The following ATG3 variants were observed in gnomAD, a reference collection of about 807,000 sequenced individuals.
ATG3 encodes the protein autophagy related 3.
Under a neutral mutation model 50.7 loss-of-function variants are expected in ATG3, and 25 were observed. The observed-to-expected ratio is 0.49, with a 90% CI of 0.36 to 0.69. ATG3 has a LOEUF of 0.69. ATG3 is among the 30% of genes least tolerant of loss of function. ATG3 has a pLI of 0.00. For missense variants in ATG3, 281 were observed against 376.0 expected (o/e 0.75, Z 2.09); for synonymous variants, 119 against 125.5 (o/e 0.95, Z 0.34).
intron 2 of ATG3, among the ~76,000 whole-genome samples, chr3:112,554,112 C>T (rs1254498877): frequency 2.0e-5 from 3 of 152,164 alleles, no homozygotes; most frequent in African/African-American, 7.2e-5. Context: ...ATCTTACTGG[C>T]GAACAGAAAT....
intron 10 of ATG3, chr3:112,534,844 T>C (rs1224021900): frequency 6.6e-6 from 1 of 151,422 alleles, no homozygotes; most frequent in Non-Finnish European, 1.5e-5. Context: ...TATAATCTTG[T>C]GATCTGGGCT....
intron 2 of ATG3, among the ~76,000 whole-genome samples, chr3:112,554,378 T>TC (rs1448430884): frequency 1.3e-5 from 2 of 152,196 alleles, no homozygotes; most frequent in Non-Finnish European, 2.9e-5. Context: ...CTTTGTAATC[T>TC]CCCCCATCCT....
chr3:112,544,642 G>A (rs1026223014), intron 5 of ATG3, among the ~76,000 whole-genome samples: 2 of 51,454 alleles, frequency 3.9e-5, no homozygotes, highest in African/African-American at 5.1e-5. Context: ...CGACAAGAGC[G>A]AAACTCCGTC....
At chr3:112,560,087 C>A (rs773627472) in intron 1 of ATG3, among the ~76,000 whole-genome samples, 4 of 152,144 alleles carry the variant, frequency 2.6e-5, no homozygotes, top group Admixed American at 2.6e-4. Context: ...GTTTGGTGAG[C>A]AAGTATGATG....
At chr3:112,557,759 C>T (rs1433766652) in intron 2 of ATG3, among the ~76,000 whole-genome samples, 1 of 151,986 alleles carries the variant, frequency 6.6e-6, no homozygotes, top group Non-Finnish European at 1.5e-5. Flanking sequence ...AGGCTTAAAA[C>T]GTTTGTTTCA....
chr3:112,533,820 C>T (rs1422191024), intron 11 of ATG3: 1 of 986,088 alleles, frequency 1.0e-6, no homozygotes, highest in Non-Finnish European at 1.2e-6. Context: ...AATGAACGTA[C>T]TATATTTTAA....
At chr3:112,544,445 C>T (rs1308226631) in intron 5 of ATG3, among the ~76,000 whole-genome samples, 3 of 151,946 alleles carry the variant, frequency 2.0e-5, no homozygotes, top group Non-Finnish European at 2.9e-5. Flanking sequence ...CATCTGAGGT[C>T]GGAAGTTCAA....
chr3:112,548,253 G>A (rs989071974), intron 5 of ATG3, among the ~76,000 whole-genome samples: 2 of 152,162 alleles, frequency 1.3e-5, no homozygotes, highest in African/African-American at 4.8e-5. Context: ...TCGGGAGGCT[G>A]AGGCAGGAGA....
At chr3:112,556,221 C>T (rs571609134) in intron 2 of ATG3, among the ~76,000 whole-genome samples, 1 of 152,334 alleles carries the variant, frequency 6.6e-6, no homozygotes, top group South Asian at 2.1e-4. Context: ...AACATGAAGC[C>T]TCGGCAGGGA....
In ATG3 at chr3:112,561,651, C is replaced by CGAGGG. The variant is rs934212619; in HGVS notation, c.-128_-124dup. On this transcript the variant is annotated 5_prime_UTR_variant, in exon 1 of 12. Coordinates refer to ENST00000283290, the MANE Select transcript of ATG3 (RefSeq NM_022488.5). Reference sequence around the variant, plus strand: ...GCATCAGCACCCGGCTGGCAGCACCCGAGGGGACGGGACGCGACGCGACGG... The same window carrying CGAGGG: ...GCATCAGCACCCGGCTGGCAGCACCCGAGGGGAGGGGACGGGACGCGACGCGACGG... 39 of 1,003,644 alleles carry CGAGGG rather than the reference C, an allele frequency of 3.9e-5. No individual in the cohort carries two copies. Among genetic ancestry groups the CGAGGG allele is most frequent in the African/African-American group, 5.0e-5 (3 of 60,246 alleles). 62.2% of individuals were successfully genotyped at this position (1,003,644 alleles called of 1,614,324 possible).
intron 2 of ATG3, among the ~76,000 whole-genome samples, chr3:112,554,643 A>T (rs1227656565): frequency 2.0e-5 from 3 of 152,214 alleles, no homozygotes; most frequent in Non-Finnish European, 2.9e-5. Context: ...TACTTGCCAA[A>T]TTACTTCTAT....
chr3:112,536,689 A>AGGTGGGC (rs1470494124), intron 9 of ATG3, 87 bp from the exon 10 acceptor site: 1 of 1,410,226 alleles, frequency 7.1e-7, no homozygotes, highest in Non-Finnish European at 9.8e-7. Context: ...TGGGAGACTG[A>AGGTGGGC]GGTGGGCGGA....
chr3:112,534,227 A>G (rs1445871118), intron 11 of ATG3, 42 bp downstream of exon 11: 2 of 1,586,698 alleles, frequency 1.3e-6, no homozygotes, highest in African/African-American at 2.7e-5. Context: ...AAAAATCGTT[A>G]ACAGCCATTT....
At chr3:112,532,932 T>C in intron 11 of ATG3, 152 bp from the exon 12 acceptor site, 1 of 1,294,184 alleles carries the variant, frequency 7.7e-7, no homozygotes, top group Non-Finnish European at 9.8e-7. Flanking sequence ...ACTATGCAAA[T>C]TTGTGTCTAT....
At chr3:112,544,603 G>A (rs924914435) in intron 5 of ATG3, among the ~76,000 whole-genome samples, 33 of 127,834 alleles carry the variant, frequency 2.6e-4, no homozygotes, top group African/African-American at 7.0e-4. Flanking sequence ...GCAATGAGCC[G>A]AAATCGCACC....
At chr3:112,533,574 G>A in intron 11 of ATG3, 1 of 985,314 alleles carries the variant, frequency 1.0e-6, no homozygotes, top group Non-Finnish European at 1.2e-6. Flanking sequence ...CTAACACATA[G>A]TAGCCGAAAC....
At chr3:112,540,370 A>G (rs778860043) in intron 7 of ATG3, among the ~76,000 whole-genome samples, 1 of 152,170 alleles carries the variant, frequency 6.6e-6, no homozygotes, top group African/African-American at 2.4e-5. Flanking sequence ...AACACAATCT[A>G]TCTCACTCTA....
At chr3:112,545,270 A>G (rs1464693719) in intron 5 of ATG3, among the ~76,000 whole-genome samples, 1 of 152,214 alleles carries the variant, frequency 6.6e-6, no homozygotes, top group Non-Finnish European at 1.5e-5. Flanking sequence ...CTCAAAACCT[A>G]CTTGTCTCAA....
At chr3:112,539,994 G>A (rs1405389160) in intron 7 of ATG3, among the ~76,000 whole-genome samples, 1 of 152,172 alleles carries the variant, frequency 6.6e-6, no homozygotes, top group Non-Finnish European at 1.5e-5. Flanking sequence ...GTCCAAGAAA[G>A]TGATGTCAGT....
Sources: allele counts gnomAD v4.1 joint callset (sites outside exome capture counted in the v4.1 genomes callset), GRCh38; gene constraint gnomAD v4.1.1; transcripts MANE v1.5; gene names NCBI Gene and HGNC (gene_info 2026-07-23, HGNC 2026-07-21).